The following RFX7 variants were observed in gnomAD, a reference collection of about 807,000 sequenced individuals.
RFX7 encodes the protein regulatory factor X7.
In RFX7, 26 loss-of-function variants were observed where a neutral mutation model predicts 111.8. The observed-to-expected ratio is 0.23, with a 90% CI of 0.17 to 0.32. The LOEUF is 0.32. Among genes scored for constraint, RFX7 ranks in the 10% least tolerant of loss-of-function variants. The pLI is 1.00. For missense variants in RFX7, 1,573 were observed against 1,772.9 expected (o/e 0.89, Z 2.02); for synonymous variants, 624 against 624.4 (o/e 1.00, Z 0.01).
intron 2 of RFX7, among the ~76,000 whole-genome samples, chr15:56,198,793 T>G (rs2043168482): frequency 6.6e-6 from 1 of 152,150 alleles, no homozygotes; most frequent in Non-Finnish European, 1.5e-5. Flanking sequence ...ATTGTTAAAG[T>G]TGAATAATAA....
At chr15:56,218,330 C>A (rs1376854208) in intron 2 of RFX7, among the ~76,000 whole-genome samples, 1 of 151,718 alleles carries the variant, frequency 6.6e-6, no homozygotes, top group Non-Finnish European at 1.5e-5. Flanking sequence ...TGGGGTTACA[C>A]CACGTTGGCC....
At chr15:56,143,626 TC>T (rs1356391085) in intron 4 of RFX7, among the ~76,000 whole-genome samples, 3 of 152,120 alleles carry the variant, frequency 2.0e-5, no homozygotes, top group Non-Finnish European at 4.4e-5. Flanking sequence ...GATTGTGACA[TC>T]CATCTCAGCT....
intron 2 of RFX7, among the ~76,000 whole-genome samples, chr15:56,220,216 TTTTTA>T (rs1337786929): frequency 2.6e-5 from 4 of 152,086 alleles, no homozygotes; most frequent in African/African-American, 4.8e-5. Flanking sequence ...TTTTTAATGG[TTTTTA>T]TTTTATTTCA....
At chr15:56,120,141 G>C (rs1307156038) in intron 5 of RFX7, among the ~76,000 whole-genome samples, 2 of 152,116 alleles carry the variant, frequency 1.3e-5, no homozygotes, top group East Asian at 3.9e-4. Context: ...CATGAACATG[G>C]AACGCCTTTA....
At chr15:56,219,421 T>C (rs1377413358) in intron 2 of RFX7, among the ~76,000 whole-genome samples, 5 of 152,186 alleles carry the variant, frequency 3.3e-5, no homozygotes, top group Non-Finnish European at 5.9e-5. Flanking sequence ...GTCTGTTATA[T>C]AGGTAAATTG....
At chr15:56,232,286 A>G (rs1473271823) in intron 2 of RFX7, among the ~76,000 whole-genome samples, 1 of 152,164 alleles carries the variant, frequency 6.6e-6, no homozygotes, top group Non-Finnish European at 1.5e-5. Context: ...TTCTGTCTGG[A>G]CATCCAGCTG....
chr15:56,179,171 G>T, intron 3 of RFX7, 99 bp downstream of exon 3: 1 of 542,324 alleles, frequency 1.8e-6, no homozygotes, highest in Non-Finnish European at 2.9e-6. Flanking sequence ...ACTGGAGTTA[G>T]ATTATATTTA....
intron 4 of RFX7, among the ~76,000 whole-genome samples, chr15:56,143,476 A>G (rs1443665465): frequency 6.6e-6 from 1 of 152,014 alleles, no homozygotes; most frequent in Non-Finnish European, 1.5e-5. Flanking sequence ...ATCTCCCCCT[A>G]CAATCCTTCC....
chr15:56,207,402 CT>C (rs1477944865), intron 2 of RFX7, among the ~76,000 whole-genome samples: 2 of 152,074 alleles, frequency 1.3e-5, no homozygotes, highest in African/African-American at 4.8e-5. Flanking sequence ...CTGAACTGTT[CT>C]CTTAAAAATG....
rs1244130162 is a variant in RFX7, at chr15:56,093,837, G to A, written c.3891C>T (p.Asn1297=). 6.2e-6 allele frequency: 10 copies of A among 1,613,934 alleles called. No individual in the cohort carries two copies. Among genetic ancestry groups the A allele is most frequent in the Admixed American group, 1.7e-5 (1 of 60,018 alleles). ...TGCTGGAATCGATCATATTTTGTGG[G>A]TTGGCACTAGGAAAAACAGTGGAAG... ...LEPSTVFPSA[N]PQNMIDSSTS... is the part of the protein sequence containing the mutation. Residue 1297 remains asparagine, a synonymous_variant, in exon 10 of 10, where the codon AAC becomes AAT. Transcript: ENST00000559447.
At chr15:56,100,429 C>T (rs914338624) in intron 8 of RFX7, among the ~76,000 whole-genome samples, 1 of 152,260 alleles carries the variant, frequency 6.6e-6, no homozygotes, top group South Asian at 2.1e-4. Context: ...CACACACATA[C>T]ATCCCACATA....
intron 2 of RFX7, chr15:56,192,330 G>T: frequency 4.5e-6 from 1 of 219,876 alleles, no homozygotes. Flanking sequence ...TCTTCTCAGT[G>T]CCAGAGAAGC....
intron 2 of RFX7, among the ~76,000 whole-genome samples, chr15:56,218,404 T>A (rs1195286415): frequency 1.3e-5 from 2 of 152,176 alleles, no homozygotes; most frequent in Non-Finnish European, 2.9e-5. Context: ...AGTGCTGGGA[T>A]TACAGGCGTG....
chr15:56,171,758 G>C (rs188873424), intron 3 of RFX7, among the ~76,000 whole-genome samples: 234 of 152,250 alleles, frequency 1.5e-3, no homozygotes, highest in East Asian at 1.7e-3. Context: ...TTATAGAAGT[G>C]GGGGTATGAT....
chr15:56,142,672 C>T, intron 5 of RFX7, 106 bp downstream of exon 5: 1 of 983,670 alleles, frequency 1.0e-6, no homozygotes, highest in Non-Finnish European at 1.5e-6. Context: ...GTGTAATTCC[C>T]ATATACCAGC....
chr15:56,222,705 A>G (rs2043439941), intron 2 of RFX7, among the ~76,000 whole-genome samples: 1 of 152,182 alleles, frequency 6.6e-6, no homozygotes, highest in Non-Finnish European at 1.5e-5. Context: ...CTATCTGTGC[A>G]TGGATACTGT....
At position 56,096,179 on chromosome 15, in the gene RFX7, C is replaced by A. The variant is rs542838874; in HGVS notation, c.1549G>T (p.Val517Leu). 1.2e-6 allele frequency: 2 copies of A among 1,613,768 alleles called. No homozygotes were observed. Among genetic ancestry groups the A allele is most frequent in the South Asian group, 1.1e-5 (1 of 91,082 alleles). The change falls in exon 10 of 10, where the codon GTG becomes TTG. Residue 517 changes from valine (V) to leucine (L), a missense_variant. Val to Leu is a conservative substitution (Grantham distance 32). Transcript: ENST00000559447. ...CTGGACCCAGGAGACTGAAGCGACA[C>A]GACAGAACCATTCTTGATCTGTGGA... is the stretch of plus-strand genomic sequence containing the variant. Reference protein sequence around the residue: ...SVPQIKNGSVVSLQSPGSRSS... With the variant: ...SVPQIKNGSVLSLQSPGSRSS...
chr15:56,098,670 C>G (rs77563468), intron 8 of RFX7, among the ~76,000 whole-genome samples: 4 of 152,174 alleles, frequency 2.6e-5, no homozygotes, highest in Non-Finnish European at 4.4e-5. Flanking sequence ...GTAGCTATAT[C>G]GTAAATGTGC....
chr15:56,148,362 T>G (rs1475984453), intron 3 of RFX7, among the ~76,000 whole-genome samples: 1 of 152,234 alleles, frequency 6.6e-6, no homozygotes, highest in Non-Finnish European at 1.5e-5. Context: ...AGCACAACAA[T>G]GCTACAAACT....
Sources: gnomAD v4.1 joint callset for allele counts (sites outside exome capture counted in the v4.1 genomes callset) on GRCh38, gnomAD v4.1.1 for gene constraint, MANE v1.5 for transcripts, NCBI Gene and HGNC (gene_info 2026-07-23, HGNC 2026-07-21) for gene names.